Variants in RSRC1 observed in about 807,000 individuals in gnomAD.
RSRC1 encodes serine/Arginine-related protein 53.
RSRC1 carries 39 observed loss-of-function variants against 49.1 expected under a neutral mutation model. That is an observed-to-expected ratio of 0.79 (90% confidence interval 0.61 to 1.04). RSRC1 has a LOEUF of 1.04. Among genes scored for constraint, RSRC1 ranks in the 50% least tolerant of loss-of-function variants. The pLI, the probability that RSRC1 is intolerant of heterozygous loss-of-function variation, is 0.00. For synonymous variants in RSRC1, 143 were observed against 130.8 expected, an observed-to-expected ratio of 1.09 and a Z score of -0.63; for missense variants, 388 against 402.4, an observed-to-expected ratio of 0.96 and a Z score of 0.31.
intron 6 of RSRC1, among the ~76,000 whole-genome samples, chr3:158,390,944 ACT>A (rs1315580673): frequency 3.3e-5 from 5 of 152,030 alleles, no homozygotes; most frequent in Non-Finnish European, 7.4e-5. Flanking sequence ...TATTACAATG[ACT>A]CTCCAAAATT....
At chr3:158,392,828 A>C (rs1733392683) in intron 6 of RSRC1, among the ~76,000 whole-genome samples, 1 of 152,142 alleles carries the variant, frequency 6.6e-6, no homozygotes, top group Non-Finnish European at 1.5e-5. Context: ...GACCAAATGG[A>C]CATAATAGAC....
chr3:158,201,047 A>G (rs1428185617), intron 3 of RSRC1, among the ~76,000 whole-genome samples: 2 of 151,902 alleles, frequency 1.3e-5, no homozygotes, highest in African/African-American at 2.4e-5. Context: ...TCTTCTGTTG[A>G]TATTTGTTTA....
At chr3:158,279,964 T>G (rs1014992175) in intron 4 of RSRC1, among the ~76,000 whole-genome samples, 3 of 152,210 alleles carry the variant, frequency 2.0e-5, no homozygotes, top group Non-Finnish European at 4.4e-5. Context: ...TGTTACTGCC[T>G]GTGTATACCA....
chr3:158,359,027 A>G (rs1731329092), intron 6 of RSRC1, among the ~76,000 whole-genome samples: 1 of 152,102 alleles, frequency 6.6e-6, no homozygotes, highest in South Asian at 2.1e-4. Flanking sequence ...ATATGTGTGT[A>G]TATGTACTTG....
intron 5 of RSRC1, among the ~76,000 whole-genome samples, chr3:158,343,795 G>T (rs548897898): frequency 6.6e-6 from 1 of 152,272 alleles, no homozygotes; most frequent in South Asian, 2.1e-4. Context: ...AGAAGGCTTA[G>T]AAGAGCATTT....
intron 2 of RSRC1, 123 bp downstream of exon 2, chr3:158,122,421 T>C (rs1367279017): frequency 1.5e-5 from 11 of 718,500 alleles, no homozygotes; most frequent in Non-Finnish European, 2.3e-5. Flanking sequence ...TTTATGAAAG[T>C]CCCAACCCAG....
At chr3:158,387,246 A>G (rs180939671) in intron 6 of RSRC1, among the ~76,000 whole-genome samples, 26 of 152,266 alleles carry the variant, frequency 1.7e-4, no homozygotes, top group African/African-American at 6.3e-4. Flanking sequence ...ACGTTTAATT[A>G]TAAAACCTTC....
intron 7 of RSRC1, among the ~76,000 whole-genome samples, chr3:158,513,609 A>C (rs1251537358): frequency 6.6e-6 from 1 of 152,144 alleles, no homozygotes; most frequent in Non-Finnish European, 1.5e-5. Flanking sequence ...CAGCTTTGGT[A>C]TCAGGATGAT....
intron 3 of RSRC1, among the ~76,000 whole-genome samples, chr3:158,179,130 G>C (rs1719435630): frequency 6.6e-6 from 1 of 151,840 alleles, no homozygotes; most frequent in Non-Finnish European, 1.5e-5. Context: ...GTTTTATCTT[G>C]TCTAGTTGAA....
chr3:158,232,641 A>C (rs1480489882), intron 4 of RSRC1, among the ~76,000 whole-genome samples: 1 of 152,122 alleles, frequency 6.6e-6, no homozygotes, highest in Non-Finnish European at 1.5e-5. Flanking sequence ...TCAATATCTT[A>C]AGTTAGTATT....
chr3:158,134,375 C>T (rs1458245210), intron 3 of RSRC1, among the ~76,000 whole-genome samples: 1 of 152,154 alleles, frequency 6.6e-6, no homozygotes. Flanking sequence ...AGATCATCTA[C>T]CTTTACAACA....
intron 7 of RSRC1, among the ~76,000 whole-genome samples, chr3:158,495,346 C>T (rs184905719): frequency 6.6e-6 from 1 of 152,220 alleles, no homozygotes; most frequent in Non-Finnish European, 1.5e-5. Context: ...AGTAGAGTGG[C>T]ACGATCTTGG....
At chr3:158,421,000 A>G (rs1735013787) in intron 6 of RSRC1, among the ~76,000 whole-genome samples, 1 of 151,950 alleles carries the variant, frequency 6.6e-6, no homozygotes, top group Non-Finnish European at 1.5e-5. Context: ...AGCATATAAC[A>G]GACAAGGCCA....
chr3:158,468,804 T>C (rs2108417288), intron 7 of RSRC1, among the ~76,000 whole-genome samples: 1 of 152,218 alleles, frequency 6.6e-6, no homozygotes, highest in East Asian at 1.9e-4. Context: ...AAAAAATGAA[T>C]TGCCTACTGA....
intron 7 of RSRC1, among the ~76,000 whole-genome samples, chr3:158,497,211 C>A: frequency 6.9e-6 from 1 of 144,484 alleles, no homozygotes; most frequent in Non-Finnish European, 1.5e-5. Context: ...CTCCCCCTTC[C>A]CCCTCCCCCC....
intron 5 of RSRC1, among the ~76,000 whole-genome samples, chr3:158,307,962 C>T (rs1449412963): frequency 1.3e-5 from 2 of 151,682 alleles, no homozygotes; most frequent in East Asian, 3.9e-4. Flanking sequence ...CTAAATATTT[C>T]GGCTAAAATT....
intron 6 of RSRC1, among the ~76,000 whole-genome samples, chr3:158,362,716 A>C (rs1731545334): frequency 2.6e-5 from 4 of 152,208 alleles, no homozygotes; most frequent in Admixed American, 2.6e-4. Flanking sequence ...TGTCTCCATC[A>C]CTTTTGCTGT....
chr3:158,200,075 T>C (rs2108275421), intron 3 of RSRC1, among the ~76,000 whole-genome samples: 1 of 152,312 alleles, frequency 6.6e-6, no homozygotes, highest in East Asian at 1.9e-4. Flanking sequence ...TCTTGTTCTG[T>C]CACCCAGGCT....
At chr3:158,348,120 A>G (rs1730662272) in intron 5 of RSRC1, among the ~76,000 whole-genome samples, 1 of 152,124 alleles carries the variant, frequency 6.6e-6, no homozygotes, top group Non-Finnish European at 1.5e-5. Flanking sequence ...AGTTCTTTTT[A>G]GGTGAGTCAC....
Sources: gnomAD v4.1 joint callset for allele counts (sites outside exome capture counted in the v4.1 genomes callset) on GRCh38, gnomAD v4.1.1 for gene constraint, MANE v1.5 for transcripts, NCBI Gene and HGNC (gene_info 2026-07-23, HGNC 2026-07-21) for gene names.